The following ST3GAL4 variants were observed in gnomAD, a reference collection of about 807,000 sequenced individuals.
ST3GAL4 encodes the protein CMP-N-acetylneuraminate-beta-galactosamide-alpha-2,3-sialyltransferase 4.
Under a neutral mutation model 42.6 loss-of-function variants are expected in ST3GAL4, and 24 were observed. The ratio of observed to expected loss-of-function variants is 0.56; its 90% CI spans 0.41 to 0.79. ST3GAL4 has a LOEUF of 0.79. Among genes scored for constraint, ST3GAL4 ranks in the 30% least tolerant of loss-of-function variants. The pLI, the probability that ST3GAL4 is intolerant of heterozygous loss-of-function variation, is 0.00. For missense variants in ST3GAL4, 311 were observed against 430.8 expected, an observed-to-expected ratio of 0.72 and a Z score of 2.46; for synonymous variants, 135 against 163.2, an observed-to-expected ratio of 0.83 and a Z score of 1.32.
chr11:126,369,612 C>T (rs1334457815), intron 1 of ST3GAL4, among the ~76,000 whole-genome samples: 1 of 152,212 alleles, frequency 6.6e-6, no homozygotes, highest in Middle Eastern at 3.2e-3. Context: ...AGGTCATTCA[C>T]ACTCCCAGAA....
chr11:126,360,098 C>T (rs1188227298), intron 1 of ST3GAL4, among the ~76,000 whole-genome samples: 3 of 152,240 alleles, frequency 2.0e-5, no homozygotes, highest in African/African-American at 7.2e-5. Context: ...ACATGGTGAG[C>T]TGTTTTGCCC....
At chr11:126,389,981 GGC>G (rs1953415356) in intron 1 of ST3GAL4, among the ~76,000 whole-genome samples, 1 of 148,702 alleles carries the variant, frequency 6.7e-6, no homozygotes, top group Non-Finnish European at 1.5e-5. Context: ...AGACCATTCT[GGC>G]TAACGCAGTG....
At chr11:126,403,342 C>A in intron 1 of ST3GAL4, 1 of 928,480 alleles carries the variant, frequency 1.1e-6, no homozygotes, top group Non-Finnish European at 1.3e-6. Flanking sequence ...CGCTGCTCAC[C>A]TCTGACGCTG....
At position 126,406,324 on chromosome 11, in the gene ST3GAL4, C is replaced by G; in HGVS notation, c.17-149C>G. 1.3e-6 allele frequency: 2 copies of G among 1,539,482 alleles called. No individual in the cohort carries two copies. The highest frequency in any genetic ancestry group is 1.8e-6 in the Non-Finnish European group (2 of 1,141,802). ...GAAGGACAGTGGGTACAATCAGGGT[C>G]AAGCCCTCAGCCAGGGCCAGGAGAG... On this transcript the variant is annotated intron_variant, in intron 2 of 10. Transcript: ENST00000444328. The surrounding 1 kb of genome is among the most constrained non-coding windows in gnomAD (Gnocchi z 5.4).
Position 126,370,887 on chromosome 11 carries a change from C to T in ST3GAL4, c.-61+15045C>T, listed in dbSNP as rs148328141. Among the ~76,000 whole-genome samples, 1,037 of 152,182 alleles carry T rather than the reference C, an allele frequency of 6.8e-3. 13 individuals are homozygous for T. Among genetic ancestry groups the T allele is most frequent in the African/African-American group, 0.021 (882 of 41,544 alleles). On this transcript the variant is annotated intron_variant, in intron 1 of 10. Coordinates refer to ENST00000444328, the MANE Select transcript of ST3GAL4 (RefSeq NM_001254757.2). ...GAGACCATTTTGGTCAGGCAGGTCT[C>T]GAGCTCCTGAACTCAATCAATCTAC...
At chr11:126,394,196 T>G (rs1177205129) in intron 1 of ST3GAL4, among the ~76,000 whole-genome samples, 3 of 148,648 alleles carry the variant, frequency 2.0e-5, no homozygotes, top group Non-Finnish European at 3.0e-5. Context: ...CACTGGTACC[T>G]TTGGCTTTAG....
rs923943833 is a variant in ST3GAL4 at position 126,373,647 on chromosome 11, G to A, written c.-61+17805G>A. Among the ~76,000 whole-genome samples the A allele has an allele frequency of 3.9e-5, 6 of 152,152 alleles. No homozygotes were observed. The highest frequency in any genetic ancestry group is 3.3e-4 in the Admixed American group (5 of 15,274). ...GTGGTGGGTAGCCTGTGGAGCCTGA[G>A]GGTGGGAACAGAGAGACTTCTTTTG... On this transcript the variant is annotated intron_variant, in intron 1 of 10. Coordinates refer to ENST00000444328, the MANE Select transcript of ST3GAL4 (RefSeq NM_001254757.2). The surrounding 1 kb of genome is among the most constrained non-coding windows in gnomAD (Gnocchi z 5.5).
chr11:126,383,938 G>A lies in ST3GAL4; in HGVS notation c.-60-22158G>A, dbSNP rs1953112798. Among the ~76,000 whole-genome samples, 1 of 152,134 alleles carries A rather than the reference G, an allele frequency of 6.6e-6. No homozygotes were observed. The highest frequency in any genetic ancestry group is 2.4e-5 in the African/African-American group (1 of 41,414). ...CTCTTGCCGCCTTCTCTGTTCCTGG[G>A]GACAGGCTGCTGCAGGGTGGAGGGC... On this transcript the variant is annotated intron_variant, in intron 1 of 10. Coordinates refer to ENST00000444328, the MANE Select transcript of ST3GAL4 (RefSeq NM_001254757.2). This position sits in a 1 kb window ranked among gnomAD's most constrained non-coding sequence, Gnocchi z 4.5.
In ST3GAL4 at chr11:126,407,561, G is replaced by T. The variant is rs1954298190; in HGVS notation, c.281-13G>T. ...TCTGTCACATCAGTCCCTCCGCCTG[G>T]TACTTTTTGTAGAGGATCTGCTCCT... is the stretch of plus-strand genomic sequence containing the variant. On this transcript the variant is annotated splice_polypyrimidine_tract_variant and intron_variant, in intron 5 of 10. Coordinates refer to ENST00000444328, the MANE Select transcript of ST3GAL4 (RefSeq NM_001254757.2). 3 of 1,613,996 alleles carry T rather than the reference G, an allele frequency of 1.9e-6. No homozygotes were observed. The highest frequency in any genetic ancestry group is 2.7e-5 in the African/African-American group (2 of 74,916).
chr11:126,406,785 G>T lies in ST3GAL4; in HGVS notation c.102-158G>T. The stretch of plus-strand genomic sequence containing the variant: ...GGGAGTGCAGGGGCAGGAAGACCTG[G>T]ATCCTCAAGGACTTGGGTTCCAAGT... On this transcript the variant is annotated intron_variant, in intron 3 of 10. Transcript: ENST00000444328. The surrounding 1 kb of genome is among the most constrained non-coding windows in gnomAD (Gnocchi z 5.4). 1.1e-6 allele frequency: 1 copy of T among 928,008 alleles called. No homozygotes were observed. Among genetic ancestry groups the T allele is most frequent in the Non-Finnish European group, 1.6e-6 (1 of 607,794 alleles). 57.5% of individuals were successfully genotyped at this position (928,008 alleles called of 1,614,324 possible). A position where few individuals can be genotyped will look rare whatever the true frequency, so the allele number is the denominator to read the frequency against.
In ST3GAL4 at chr11:126,391,833, T is replaced by A. The variant is rs1397493300; in HGVS notation, c.-60-14263T>A. ...GCAGAACCCAGCGTCACTGACACCCTCCAGATACAGAGTTCTTGCTCTGTG... is the reference window on the plus strand; with the variant it reads ...GCAGAACCCAGCGTCACTGACACCCACCAGATACAGAGTTCTTGCTCTGTG... On this transcript the variant is annotated intron_variant, in intron 1 of 10. Coordinates refer to ENST00000444328, the MANE Select transcript of ST3GAL4 (RefSeq NM_001254757.2). This position sits in a 1 kb window ranked among gnomAD's most constrained non-coding sequence, Gnocchi z 5.5. Among the ~76,000 whole-genome samples the A allele has an allele frequency of 2.6e-5, 4 of 152,080 alleles. No homozygotes were observed. Among genetic ancestry groups the A allele is most frequent in the African/African-American group, 9.7e-5 (4 of 41,410 alleles).
rs1952431411 is a variant in ST3GAL4, at chr11:126,366,501, T to TG, written c.-61+10663dup. ...TGTAGGTTACTGACATGGGGAGGGG[T>TG]GGGGCTTGCTTTCCTCACCCCGCTT... On this transcript the variant is annotated intron_variant, in intron 1 of 10. Transcript: ENST00000444328. This position sits in a 1 kb window ranked among gnomAD's most constrained non-coding sequence, Gnocchi z 4.2. Among the ~76,000 whole-genome samples, 2 of 151,444 alleles carry TG rather than the reference T, an allele frequency of 1.3e-5. No individual in the cohort carries two copies. The highest frequency in any genetic ancestry group is 6.6e-5 in the Admixed American group (1 of 15,176).
intron 1 of ST3GAL4, among the ~76,000 whole-genome samples, chr11:126,356,546 TG>T (rs1174523564): frequency 1.3e-5 from 2 of 152,150 alleles, no homozygotes; most frequent in Non-Finnish European, 2.9e-5. Context: ...TTCCCAGTCC[TG>T]GGGGGAGGCT....
intron 8 of ST3GAL4, chr11:126,408,812 C>A (rs1954388702): frequency 2.2e-6 from 1 of 450,602 alleles, no homozygotes; most frequent in Admixed American, 3.5e-5. Flanking sequence ...GCTGAGCAAC[C>A]CTCCAGCAGC....
rs139802007 is a variant in ST3GAL4, at chr11:126,373,016, C to T, written c.-61+17174C>T. ...GCTTCCATGTTTTTTCTCATTGTTT[C>T]GTGGGAATACTGATATTATATATTC... is the stretch of plus-strand genomic sequence containing the variant. On this transcript the variant is annotated intron_variant, in intron 1 of 10. Transcript: ENST00000444328. This position sits in a 1 kb window ranked among gnomAD's most constrained non-coding sequence, Gnocchi z 5.5. Among the ~76,000 whole-genome samples, 49 of 152,258 alleles carry T rather than the reference C, an allele frequency of 3.2e-4. No individual in the cohort carries two copies. The highest frequency in any genetic ancestry group is 1.0e-3 in the African/African-American group (42 of 41,548).
rs973263039 is a variant in ST3GAL4 at position 126,371,182 on chromosome 11, T to G, written c.-61+15340T>G. ...ACATTCCTTTTTTTTTTTTTTTTTT[T>G]GAGATGGAGTCTCACTCTGTTGCCC... On this transcript the variant is annotated intron_variant, in intron 1 of 10. Transcript: ENST00000444328. Among the ~76,000 whole-genome samples, 7 of 138,394 alleles carry G rather than the reference T, an allele frequency of 5.1e-5. No individual in the cohort carries two copies. In the East Asian group the frequency reaches 1.2e-3, roughly 24 times the overall value. The allele number at this position is 138,394 out of a possible 152,430, so 90.8% of individuals were successfully genotyped here. A position where few individuals can be genotyped will look rare whatever the true frequency, so the allele number is the denominator to read the frequency against.
intron 1 of ST3GAL4, among the ~76,000 whole-genome samples, chr11:126,370,471 G>T (rs1254183946): frequency 6.6e-6 from 1 of 152,144 alleles, no homozygotes; most frequent in African/African-American, 2.4e-5. Flanking sequence ...TGGGGAGTGG[G>T]GGGTAGACTT....
chr11:126,401,001 G>C (rs1449423035), intron 1 of ST3GAL4, among the ~76,000 whole-genome samples: 1 of 151,954 alleles, frequency 6.6e-6, no homozygotes, highest in Non-Finnish European at 1.5e-5. Context: ...AAAGAGGGAG[G>C]TGTTGGGAGA....
chr11:126,395,007 C>G (rs902200216), intron 1 of ST3GAL4, among the ~76,000 whole-genome samples: 1 of 152,084 alleles, frequency 6.6e-6, no homozygotes, highest in African/African-American at 2.4e-5. Flanking sequence ...TCACTGTGCT[C>G]TCTGCCAACT....
Sources: gnomAD v4.1 joint callset for allele counts (sites outside exome capture counted in the v4.1 genomes callset) on GRCh38, gnomAD v4.1.1 for gene constraint, Gnocchi (gnomAD v3.1) non-coding constraint, MANE v1.5 for transcripts, NCBI Gene and HGNC (gene_info 2026-07-23, HGNC 2026-07-21) for gene names.